The following EXOC4 variants were observed in gnomAD, a reference collection of about 807,000 sequenced individuals.
EXOC4 encodes the protein SEC8-like 1.
Under a neutral mutation model 107.2 loss-of-function variants are expected in EXOC4, and 71 were observed. The ratio of observed to expected loss-of-function variants is 0.66; its 90% CI spans 0.55 to 0.81. The LOEUF (loss-of-function observed/expected upper bound fraction) is 0.81, where lower values mean the gene tolerates loss of function less well. EXOC4 is among the 30% of genes least tolerant of loss of function. EXOC4 has a pLI of 0.00. For synonymous variants in EXOC4, 456 were observed against 441.2 expected (o/e 1.03, Z -0.42); for missense variants, 1,108 against 1,189.6 (o/e 0.93, Z 1.01).
rs965143237 is a variant in EXOC4, at chr7:133,703,289, A to G, written c.1514+73148A>G. 2.0e-5 allele frequency among the ~76,000 whole-genome samples: 3 copies of G among 152,154 alleles called. 1 individual carries two copies. Among genetic ancestry groups the G allele is most frequent in the African/African-American group, 4.8e-5 (2 of 41,428 alleles). On this transcript the variant is annotated intron_variant, in intron 10 of 17. Coordinates refer to ENST00000253861, the MANE Select transcript of EXOC4 (RefSeq NM_021807.4). ...TTGAATATCTTCCACAACCACACCA[A>G]TGTTCATTGCTACGTTGCTGCTAGC...
chr7:133,631,606 G>A (rs1802592771), intron 10 of EXOC4, among the ~76,000 whole-genome samples: 1 of 151,966 alleles, frequency 6.6e-6, no homozygotes, highest in African/African-American at 2.4e-5. Flanking sequence ...TTTGTAGCAG[G>A]TAAATTCATT....
chr7:133,591,312 G>T (rs1232139803), intron 9 of EXOC4, among the ~76,000 whole-genome samples: 3 of 152,108 alleles, frequency 2.0e-5, no homozygotes, highest in Admixed American at 1.3e-4. Flanking sequence ...TGATTACAGG[G>T]TGAGCCTTGG....
rs1191678876 is a variant in EXOC4, at chr7:133,403,755, T to TC, written c.1182+28756dup. Reference sequence around the variant, plus strand: ...GACCTACCTGGGCAATATAGCAAGATCCCATCTCTAAAAAATTTTTTTAAA... The same window carrying TC: ...GACCTACCTGGGCAATATAGCAAGATCCCCATCTCTAAAAAATTTTTTTAAA... On this transcript the variant is annotated intron_variant, in intron 7 of 17. Coordinates refer to ENST00000253861, the MANE Select transcript of EXOC4 (RefSeq NM_021807.4). 1.7e-4 allele frequency among the ~76,000 whole-genome samples: 26 copies of TC among 152,018 alleles called. No individual in the cohort carries two copies. In the East Asian group the frequency reaches 4.6e-3, roughly 27 times the overall value.
chr7:133,909,602 C>G (rs991418605), intron 12 of EXOC4, among the ~76,000 whole-genome samples: 2 of 152,176 alleles, frequency 1.3e-5, no homozygotes, highest in Non-Finnish European at 2.9e-5. Flanking sequence ...TGGGTCATTT[C>G]TGGCTGCACA....
At chr7:133,658,688 T>C (rs1803360338) in intron 10 of EXOC4, among the ~76,000 whole-genome samples, 2 of 152,128 alleles carry the variant, frequency 1.3e-5, no homozygotes, top group African/African-American at 4.8e-5. Flanking sequence ...CAGGAAAGGA[T>C]GTGTGGGGTG....
At chr7:133,424,574 A>G (rs539126998) in intron 7 of EXOC4, among the ~76,000 whole-genome samples, 1 of 152,318 alleles carries the variant, frequency 6.6e-6, no homozygotes, top group African/African-American at 2.4e-5. Context: ...ATTCCAACAC[A>G]ATAGGTGTTT....
At chr7:133,325,577 TC>T (rs1176438682) in intron 5 of EXOC4, among the ~76,000 whole-genome samples, 2 of 152,214 alleles carry the variant, frequency 1.3e-5, no homozygotes, top group Non-Finnish European at 2.9e-5. Context: ...TGCCGAGAGA[TC>T]CGCTGTTAGT....
intron 10 of EXOC4, among the ~76,000 whole-genome samples, chr7:133,749,517 G>A (rs1337456474): frequency 1.3e-5 from 2 of 151,788 alleles, no homozygotes; most frequent in African/African-American, 2.4e-5. Context: ...CTCAGCCTCC[G>A]GAGTAGCTGA....
chr7:134,007,543 T>A, intron 16 of EXOC4, 133 bp from the exon 17 acceptor site: 1 of 745,650 alleles, frequency 1.3e-6, no homozygotes, highest in Admixed American at 3.6e-5. Flanking sequence ...GATGCAACCA[T>A]CAGAGGTAGA....
At chr7:133,470,975 G>A (rs1472037439) in intron 7 of EXOC4, among the ~76,000 whole-genome samples, 2 of 152,150 alleles carry the variant, frequency 1.3e-5, no homozygotes, top group Non-Finnish European at 2.9e-5. Context: ...CCACCATGAT[G>A]TGGAATCATC....
chr7:133,328,283 A>T (rs915711933), intron 5 of EXOC4, among the ~76,000 whole-genome samples: 5 of 151,480 alleles, frequency 3.3e-5, no homozygotes, highest in African/African-American at 1.2e-4. Flanking sequence ...TTTGCTTGGT[A>T]AATATTCCTG....
chr7:133,502,248 A>C (rs1427020470), intron 9 of EXOC4, among the ~76,000 whole-genome samples: 1 of 152,116 alleles, frequency 6.6e-6, no homozygotes, highest in Non-Finnish European at 1.5e-5. Context: ...GAGGGAAAGA[A>C]CAAAAAATCT....
intron 7 of EXOC4, among the ~76,000 whole-genome samples, chr7:133,401,661 A>AG (rs964993858): frequency 6.6e-6 from 1 of 151,316 alleles, no homozygotes; most frequent in African/African-American, 2.4e-5. Flanking sequence ...TAAAAAAAAA[A>AG]AAAGAAAAAA....
intron 9 of EXOC4, among the ~76,000 whole-genome samples, chr7:133,568,795 C>G (rs1355383754): frequency 6.6e-6 from 1 of 152,106 alleles, no homozygotes; most frequent in Admixed American, 6.6e-5. Context: ...AAGAACAGGA[C>G]TCAGAATAAG....
At chr7:133,876,516 TTTC>T (rs900967810) in intron 11 of EXOC4, among the ~76,000 whole-genome samples, 9 of 152,056 alleles carry the variant, frequency 5.9e-5, no homozygotes, top group African/African-American at 1.2e-4. Flanking sequence ...TTCCTTCATT[TTTC>T]TTCTTCTTTC....
intron 14 of EXOC4, among the ~76,000 whole-genome samples, chr7:133,976,585 T>G (rs1793837670): frequency 6.6e-6 from 1 of 152,080 alleles, no homozygotes; most frequent in Admixed American, 6.5e-5. Flanking sequence ...AAGAATATGA[T>G]GAGTGCCAGG....
intron 10 of EXOC4, among the ~76,000 whole-genome samples, chr7:133,653,322 A>C (rs1196246364): frequency 1.3e-5 from 2 of 152,204 alleles, no homozygotes; most frequent in Non-Finnish European, 2.9e-5. Context: ...CTAAAGACCA[A>C]TTGCCATGAT....
intron 9 of EXOC4, among the ~76,000 whole-genome samples, chr7:133,580,309 A>T (rs1480440077): frequency 6.6e-6 from 1 of 152,054 alleles, no homozygotes. Flanking sequence ...GAACATGGGT[A>T]TACAAATATT....
At chr7:133,322,375 A>AC (rs1391378315) in intron 5 of EXOC4, among the ~76,000 whole-genome samples, 1 of 152,196 alleles carries the variant, frequency 6.6e-6, no homozygotes. Context: ...TCTTTAATAC[A>AC]CCTTGAGTTA....
Sources: allele counts gnomAD v4.1 joint callset (sites outside exome capture counted in the v4.1 genomes callset), GRCh38; gene constraint gnomAD v4.1.1; transcripts MANE v1.5; gene names NCBI Gene and HGNC (gene_info 2026-07-23, HGNC 2026-07-21).